The following SDK1 variants were observed in gnomAD, a reference collection of about 807,000 sequenced individuals.
SDK1 encodes the protein protein sidekick-1.
Under a neutral mutation model 245.5 loss-of-function variants are expected in SDK1, and 157 were observed. The ratio of observed to expected loss-of-function variants is 0.64; its 90% CI spans 0.56 to 0.73. The LOEUF (loss-of-function observed/expected upper bound fraction) is 0.73, where lower values mean the gene tolerates loss of function less well. SDK1 is among the 30% of genes least tolerant of loss of function. The probability of loss-of-function intolerance (pLI) is 0.00; values close to 1 mark genes in which losing one functional copy is unlikely to be tolerated. For missense variants in SDK1, 3,583 were observed against 3,002.3 expected (o/e 1.19, Z -4.52); for synonymous variants, 1,647 against 1,278.5 (o/e 1.29, Z -6.15).
At chr7:4,142,045 G>A (rs879717523) in intron 28 of SDK1, among the ~76,000 whole-genome samples, 8 of 152,070 alleles carry the variant, frequency 5.3e-5, no homozygotes, top group Non-Finnish European at 1.2e-4. Flanking sequence ...GTGAGCCACT[G>A]CGCCCTGCCG....
intron 1 of SDK1, among the ~76,000 whole-genome samples, chr7:3,405,727 T>G (rs890718127): frequency 2.0e-5 from 3 of 152,144 alleles, no homozygotes; most frequent in Admixed American, 1.3e-4. Flanking sequence ...AGAGAATTAA[T>G]GGACACTAGT....
chr7:3,451,113 T>TA (rs1242331357), intron 1 of SDK1, among the ~76,000 whole-genome samples: 1 of 152,126 alleles, frequency 6.6e-6, no homozygotes, highest in East Asian at 1.9e-4. Context: ...AAGTGGATGA[T>TA]ACAGTAGCTG....
intron 1 of SDK1, among the ~76,000 whole-genome samples, chr7:3,526,288 C>G (rs1431596690): frequency 6.6e-6 from 1 of 151,682 alleles, no homozygotes; most frequent in African/African-American, 2.4e-5. Flanking sequence ...TTTTTACTGT[C>G]CAGTTTTACA....
At chr7:4,065,884 T>G in intron 19 of SDK1, among the ~76,000 whole-genome samples, 1 of 152,128 alleles carries the variant, frequency 6.6e-6, no homozygotes, top group Admixed American at 6.6e-5. Context: ...GGGGTGAGAC[T>G]TCTCTGTAGG....
In SDK1 at chr7:3,574,358, C is replaced by T. The variant is rs539862473; in HGVS notation, c.299-44722C>T. 2.3e-4 allele frequency among the ~76,000 whole-genome samples: 35 copies of T among 152,074 alleles called. No individual in the cohort carries two copies. The East Asian group carries it at 5.2e-3, about 23-fold the overall frequency. ...GTTTCGAACTCCTGACCTCATGATT[C>T]GCCCGCCTCAGCTTCCCAAAGTGCT... On this transcript the variant is annotated intron_variant, in intron 1 of 44. Transcript: ENST00000404826.
At chr7:3,526,509 C>G (rs375049674) in intron 1 of SDK1, among the ~76,000 whole-genome samples, 1 of 152,016 alleles carries the variant, frequency 6.6e-6, no homozygotes, top group East Asian at 1.9e-4. Flanking sequence ...GAGTATATAT[C>G]TTATGTGTGA....
intron 4 of SDK1, among the ~76,000 whole-genome samples, chr7:3,679,620 A>T (rs192182312): frequency 7.4e-4 from 112 of 152,346 alleles, no homozygotes; most frequent in South Asian, 2.1e-3. Context: ...ATGGAAGAGG[A>T]TATACAGATG....
At chr7:3,559,818 G>C (rs1779694624) in intron 1 of SDK1, among the ~76,000 whole-genome samples, 2 of 151,382 alleles carry the variant, frequency 1.3e-5, no homozygotes, top group Non-Finnish European at 2.9e-5. Context: ...CTTAATGTCA[G>C]TGTAAATTGT....
chr7:3,989,388 C>T (rs1361927486), intron 14 of SDK1, among the ~76,000 whole-genome samples: 1 of 152,182 alleles, frequency 6.6e-6, no homozygotes, highest in African/African-American at 2.4e-5. Context: ...CCCACCGGGT[C>T]CCTCCCACAA....
intron 1 of SDK1, among the ~76,000 whole-genome samples, chr7:3,451,914 A>G (rs1291635968): frequency 6.6e-6 from 1 of 152,128 alleles, no homozygotes; most frequent in African/African-American, 2.4e-5. Flanking sequence ...TCCAAATGGG[A>G]GTGTTAGCAT....
chr7:3,306,833 T>A (rs1779428852), intron 1 of SDK1, among the ~76,000 whole-genome samples: 1 of 152,158 alleles, frequency 6.6e-6, no homozygotes, highest in South Asian at 2.1e-4. Flanking sequence ...TGCCTTACGG[T>A]GTCCCAGAGA....
intron 1 of SDK1, among the ~76,000 whole-genome samples, chr7:3,467,310 C>CT (rs1321874700): frequency 2.0e-5 from 3 of 151,750 alleles, no homozygotes; most frequent in South Asian, 4.2e-4. Context: ...TTATGTTTCT[C>CT]TAAAAAAAAG....
chr7:4,087,584 C>T (rs961856550), intron 22 of SDK1, among the ~76,000 whole-genome samples: 25 of 152,242 alleles, frequency 1.6e-4, no homozygotes, highest in Non-Finnish European at 1.8e-4. Flanking sequence ...ATCATGCTAC[C>T]TCTTTTCACT....
At chr7:3,335,327 T>A (rs1780172392) in intron 1 of SDK1, among the ~76,000 whole-genome samples, 1 of 152,200 alleles carries the variant, frequency 6.6e-6, no homozygotes, top group African/African-American at 2.4e-5. Flanking sequence ...CCACCTGGCT[T>A]ACCAAGTTAC....
chr7:3,357,665 G>A (rs1780841705), intron 1 of SDK1, among the ~76,000 whole-genome samples: 2 of 151,858 alleles, frequency 1.3e-5, no homozygotes, highest in Admixed American at 1.3e-4. Flanking sequence ...TTCCTCACCA[G>A]TCTTGAGCCT....
chr7:3,534,405 G>A (rs1778809055), intron 1 of SDK1, among the ~76,000 whole-genome samples: 1 of 152,168 alleles, frequency 6.6e-6, no homozygotes. Context: ...ATATCTGGAA[G>A]TGAGATTGCT....
intron 1 of SDK1, among the ~76,000 whole-genome samples, chr7:3,598,012 G>C (rs1184545419): frequency 6.6e-6 from 1 of 152,116 alleles, no homozygotes; most frequent in Non-Finnish European, 1.5e-5. Context: ...AAATTGTAAA[G>C]CCTTTTTCTA....
At chr7:3,456,120 T>C (rs925468949) in intron 1 of SDK1, among the ~76,000 whole-genome samples, 1 of 152,238 alleles carries the variant, frequency 6.6e-6, no homozygotes, top group Non-Finnish European at 1.5e-5. Flanking sequence ...TATTCCTCTA[T>C]AAGTACAGTG....
intron 4 of SDK1, among the ~76,000 whole-genome samples, chr7:3,754,693 G>T (rs1296117905): frequency 6.6e-6 from 1 of 152,030 alleles, no homozygotes; most frequent in Non-Finnish European, 1.5e-5. Context: ...GGGGGTGGGG[G>T]GCGGAGTACT....
Sources: allele counts gnomAD v4.1 joint callset (sites outside exome capture counted in the v4.1 genomes callset), GRCh38; gene constraint gnomAD v4.1.1; transcripts MANE v1.5; gene names NCBI Gene and HGNC (gene_info 2026-07-23, HGNC 2026-07-21).